Variants in CPNE4 observed in about 807,000 individuals in gnomAD.
CPNE4 encodes copine-4.
A neutral mutation model predicts 67.9 loss-of-function variants in CPNE4; 25 were observed. That is an observed-to-expected ratio of 0.37 (90% CI 0.27 to 0.51). The LOEUF (loss-of-function observed/expected upper bound fraction) is 0.51. Among genes scored for constraint, CPNE4 ranks in the 20% least tolerant of loss-of-function variants. The pLI is 0.93. For synonymous variants in CPNE4, 242 were observed against 244.9 expected, an observed-to-expected ratio of 0.99 and a Z score of 0.11; for missense variants, 464 against 690.8, an observed-to-expected ratio of 0.67 and a Z score of 3.68.
intron 10 of CPNE4, among the ~76,000 whole-genome samples, chr3:131,569,889 C>T (rs770363261): frequency 5.3e-5 from 8 of 151,472 alleles, no homozygotes; most frequent in South Asian, 2.1e-4. Context: ...AAGAAATGTC[C>T]GTTTAAAATT....
chr3:132,019,826 T>C (rs2073955135), intron 1 of CPNE4, among the ~76,000 whole-genome samples: 1 of 152,188 alleles, frequency 6.6e-6, no homozygotes, highest in Non-Finnish European at 1.5e-5. Context: ...GAACAAAGGC[T>C]GCCCTTCAGC....
chr3:131,979,119 G>C (rs2072836088), intron 1 of CPNE4, among the ~76,000 whole-genome samples: 1 of 151,974 alleles, frequency 6.6e-6, no homozygotes, highest in Non-Finnish European at 1.5e-5. Context: ...CATATGGTCT[G>C]TCTTAGAGAA....
chr3:131,860,021 AT>A (rs1164587612), intron 2 of CPNE4, among the ~76,000 whole-genome samples: 1 of 152,060 alleles, frequency 6.6e-6, no homozygotes, highest in East Asian at 1.9e-4. Flanking sequence ...CTTTTTTCTT[AT>A]CCTCAACAAA....
At chr3:131,636,143 C>T (rs1482593130) in intron 7 of CPNE4, among the ~76,000 whole-genome samples, 1 of 151,718 alleles carries the variant, frequency 6.6e-6, no homozygotes, top group Non-Finnish European at 1.5e-5. Flanking sequence ...TCCACAGACC[C>T]TTTGAAGGAA....
At chr3:131,699,867 T>C (rs1195358792) in intron 4 of CPNE4, 42 bp downstream of exon 4, 5 of 1,565,758 alleles carry the variant, frequency 3.2e-6, no homozygotes, top group Non-Finnish European at 4.4e-6. Flanking sequence ...CCGCCCAGGC[T>C]CTCCACTCAG....
chr3:131,942,773 T>C (rs1223581628), intron 1 of CPNE4, among the ~76,000 whole-genome samples: 2 of 152,134 alleles, frequency 1.3e-5, no homozygotes, highest in Non-Finnish European at 1.5e-5. Flanking sequence ...GGCATTGCCA[T>C]ATCCAGAAGC....
chr3:131,542,308 G>A (rs796724564), intron 15 of CPNE4, among the ~76,000 whole-genome samples: 31 of 152,176 alleles, frequency 2.0e-4, no homozygotes, highest in African/African-American at 7.5e-4. Flanking sequence ...CATGGCTCCT[G>A]ATCTGTAACT....
At chr3:131,939,183 A>G (rs977455540) in intron 1 of CPNE4, among the ~76,000 whole-genome samples, 1 of 152,196 alleles carries the variant, frequency 6.6e-6, no homozygotes, top group Non-Finnish European at 1.5e-5. Flanking sequence ...AAGTAGCTGC[A>G]TATTATAAAC....
At chr3:131,710,116 C>A (rs2081522159) in intron 3 of CPNE4, among the ~76,000 whole-genome samples, 3 of 152,054 alleles carry the variant, frequency 2.0e-5, no homozygotes. Context: ...GATAAAGAAT[C>A]CATATATATT....
At chr3:131,718,246 G>A (rs1243951332) in intron 3 of CPNE4, among the ~76,000 whole-genome samples, 1 of 152,016 alleles carries the variant, frequency 6.6e-6, no homozygotes, top group Non-Finnish European at 1.5e-5. Flanking sequence ...GCCAGCCTCA[G>A]CGTGCTTGGA....
intron 2 of CPNE4, among the ~76,000 whole-genome samples, chr3:131,818,726 T>C (rs3914307): frequency 0.21 from 32,293 of 152,238 alleles, 3,753 homozygotes; most frequent in Admixed American, 0.33. Flanking sequence ...TAACTCCATG[T>C]AGTAGATAAT....
chr3:131,931,872 C>T (rs1370752955), intron 1 of CPNE4, among the ~76,000 whole-genome samples: 3 of 152,056 alleles, frequency 2.0e-5, no homozygotes, highest in Non-Finnish European at 2.9e-5. Flanking sequence ...ATAAGGTACT[C>T]GCCAGTTCTA....
chr3:131,792,683 A>G lies in CPNE4; in HGVS notation c.181-69058T>C, dbSNP rs922357349. The stretch of plus-strand genomic sequence containing the variant: ...CACGTGTATATATACATATATACAC[A>G]CGTGTATATATACATATACACACAC... On this transcript the variant is annotated intron_variant, in intron 2 of 15. Transcript: ENST00000429747. 2.4e-3 allele frequency among the ~76,000 whole-genome samples: 118 copies of G among 49,364 alleles called. 3 individuals carry two copies. The highest frequency in any genetic ancestry group is 9.6e-3 in the African/African-American group (106 of 11,070). 32.4% of individuals were successfully genotyped at this position (49,364 alleles called of 152,430 possible).
chr3:131,971,454 C>G (rs917317536), intron 1 of CPNE4, among the ~76,000 whole-genome samples: 1 of 152,184 alleles, frequency 6.6e-6, no homozygotes, highest in Non-Finnish European at 1.5e-5. Context: ...CTCTTCAACG[C>G]TTCTCTGATT....
At chr3:131,925,654 A>G (rs1379748669) in intron 1 of CPNE4, 3 of 152,202 alleles carry the variant, frequency 2.0e-5, no homozygotes, top group African/African-American at 7.2e-5. Flanking sequence ...AAATACATCA[A>G]TGTATTCTTA....
At chr3:131,768,283 A>C (rs924573653) in intron 2 of CPNE4, among the ~76,000 whole-genome samples, 1 of 152,082 alleles carries the variant, frequency 6.6e-6, no homozygotes. Context: ...CTTTTGTTGC[A>C]TGGAGAAGTG....
intron 1 of CPNE4, among the ~76,000 whole-genome samples, chr3:131,943,105 T>G (rs559127136): frequency 6.6e-6 from 1 of 152,298 alleles, no homozygotes; most frequent in East Asian, 1.9e-4. Flanking sequence ...AAAGTATAAT[T>G]TGTAACACCC....
intron 2 of CPNE4, among the ~76,000 whole-genome samples, chr3:131,843,488 T>G (rs375685799): frequency 3.3e-5 from 5 of 152,242 alleles, no homozygotes; most frequent in Admixed American, 2.0e-4. Context: ...GTGTGAGTAT[T>G]TATTAAGCAA....
intron 7 of CPNE4, among the ~76,000 whole-genome samples, chr3:131,623,187 T>A (rs1940568810): frequency 6.6e-6 from 1 of 152,130 alleles, no homozygotes; most frequent in Admixed American, 6.5e-5. Flanking sequence ...TATATCATCT[T>A]TTTATGTCAC....
Sources: gnomAD v4.1 joint callset for allele counts (sites outside exome capture counted in the v4.1 genomes callset) on GRCh38, gnomAD v4.1.1 for gene constraint, MANE v1.5 for transcripts, NCBI Gene and HGNC (gene_info 2026-07-23, HGNC 2026-07-21) for gene names.